SLC38A4: variants seen among roughly 807,000 people sequenced by gnomAD.
SLC38A4 encodes sodium-coupled neutral amino acid transporter 4.
SLC38A4 carries 20 observed loss-of-function variants against 63.1 expected under a neutral mutation model. The observed-to-expected ratio is 0.32, with a 90% confidence interval of 0.22 to 0.46. The LOEUF is 0.46. SLC38A4 is among the 20% of genes least tolerant of loss of function. The pLI, the probability that SLC38A4 is intolerant of heterozygous loss-of-function variation, is 1.00. For synonymous variants in SLC38A4, 230 were observed against 225.5 expected, an observed-to-expected ratio of 1.02 and a Z score of -0.18; for missense variants, 526 against 663.6, an observed-to-expected ratio of 0.79 and a Z score of 2.28.
Position 46,776,945 on chromosome 12 carries a change from A to G in SLC38A4, c.1133T>C (p.Met378Thr), listed in dbSNP as rs1363825365. Residue 378 changes from methionine to threonine, a missense_variant, in exon 13 of 17, where the codon ATG (methionine) becomes ACG (threonine). Coordinates refer to ENST00000266579, the MANE Select transcript of SLC38A4 (RefSeq NM_018018.5). ...ACCAAAGAGGGCGGCAAGCAGGTAC[A>G]TGACAAGCATCCCCGTGATGGAAAT... Reference protein sequence around the residue: ...SNISITGMLVMYLLAALFGYL... With the variant: ...SNISITGMLVTYLLAALFGYL... The G allele has an allele frequency of 1.2e-6, 2 of 1,612,270 alleles. No individual in the cohort carries two copies. The highest frequency in any genetic ancestry group is 1.7e-6 in the Non-Finnish European group (2 of 1,178,790).
At chr12:46,807,889 A>ACCC (rs67831647) in intron 1 of SLC38A4, among the ~76,000 whole-genome samples, 2 of 142,834 alleles carry the variant, frequency 1.4e-5, no homozygotes, top group Non-Finnish European at 3.1e-5. Context: ...ATTAAATGTT[A>ACCC]CCCCCCCCCC....
At position 46,831,644 on chromosome 12, in the gene SLC38A4, G is replaced by A. The variant is rs536566416; in HGVS notation, c.-108+683C>T. Among the ~76,000 whole-genome samples, 15 of 152,314 alleles carry A rather than the reference G, an allele frequency of 9.8e-5. No individual in the cohort carries two copies. The East Asian group carries it at 2.9e-3, about 29-fold the overall frequency. On this transcript the variant is annotated intron_variant, in intron 1 of 6. Coordinates refer to the SLC38A4 transcript ENST00000546940. The stretch of plus-strand genomic sequence containing the variant: ...TCTCCCTTGAAAGAGACTCCTTGGG[G>A]GCTCCCCAGGTCAGAGTACCCCGCC...
At position 46,788,738 on chromosome 12, in the gene SLC38A4, T is replaced by C. The variant is rs1451148449; in HGVS notation, c.120-120A>G. ...GAGGAGGGGAAATAAGACACCCCAA[T>C]TTTCTTTTCCTCCTTCACACTAACG... is the stretch of plus-strand genomic sequence containing the variant. On this transcript the variant is annotated intron_variant, in intron 3 of 16. Transcript: ENST00000266579. 6 of 863,058 alleles carry C rather than the reference T, an allele frequency of 7.0e-6. No homozygotes were observed. The African/African-American group carries it at 1.0e-4, about 15-fold the overall frequency. 53.5% of individuals were successfully genotyped at this position (863,058 alleles called of 1,614,324 possible).
At position 46,808,197 on chromosome 12, in the gene SLC38A4, C is replaced by T. The variant is rs139573922; in HGVS notation, c.-304-4403G>A. On this transcript the variant is annotated intron_variant, in intron 1 of 16. Coordinates refer to ENST00000266579, the MANE Select transcript of SLC38A4 (RefSeq NM_018018.5). Reference sequence around the variant, plus strand: ...CAAAAAATCTAAATTTGAGACCCTCCCAAATATGAAGCCCCAAAGAGCTTT... The same window carrying T: ...CAAAAAATCTAAATTTGAGACCCTCTCAAATATGAAGCCCCAAAGAGCTTT... Among the ~76,000 whole-genome samples the T allele has an allele frequency of 3.7e-3, 565 of 151,974 alleles. 5 individuals are homozygous for T. Among genetic ancestry groups the T allele is most frequent in the African/African-American group, 0.013 (547 of 41,478 alleles).
chr12:46,810,057 G>A (rs563644577), intron 1 of SLC38A4, among the ~76,000 whole-genome samples: 1 of 152,038 alleles, frequency 6.6e-6, no homozygotes, highest in Non-Finnish European at 1.5e-5. Flanking sequence ...ATCAGTTGAT[G>A]GGTCCTGCTA....
intron 2 of SLC38A4, among the ~76,000 whole-genome samples, chr12:46,800,812 T>C (rs973613292): frequency 3.3e-5 from 5 of 152,154 alleles, no homozygotes; most frequent in Non-Finnish European, 5.9e-5. Context: ...ATAAATGCAA[T>C]TTGATATGAT....
intron 14 of SLC38A4, among the ~76,000 whole-genome samples, chr12:46,773,825 A>C (rs1178302848): frequency 2.0e-5 from 3 of 152,110 alleles, no homozygotes; most frequent in Admixed American, 6.6e-5. Flanking sequence ...GCAATACAGA[A>C]GCACATCACA....
At chr12:46,819,537 A>G (rs1431060088) in intron 1 of SLC38A4, among the ~76,000 whole-genome samples, 2 of 151,934 alleles carry the variant, frequency 1.3e-5, no homozygotes, top group Non-Finnish European at 2.9e-5. Flanking sequence ...TTATTCTTAA[A>G]GAGTTCTTTT....
At chr12:46,798,499 G>A (rs1040872672) in intron 2 of SLC38A4, among the ~76,000 whole-genome samples, 1 of 152,144 alleles carries the variant, frequency 6.6e-6, no homozygotes, top group Non-Finnish European at 1.5e-5. Flanking sequence ...GTCTTTCATA[G>A]TATCCAACTT....
intron 2 of SLC38A4, among the ~76,000 whole-genome samples, chr12:46,797,237 T>C (rs183688338): frequency 1.7e-4 from 26 of 152,204 alleles, no homozygotes; most frequent in African/African-American, 6.3e-4. Context: ...TATTTTGGGG[T>C]GTGTCTGTGA....
chr12:46,790,717 T>A (rs766344174), intron 3 of SLC38A4, among the ~76,000 whole-genome samples: 1 of 152,286 alleles, frequency 6.6e-6, no homozygotes, highest in East Asian at 1.9e-4. Flanking sequence ...ATGAGATGAG[T>A]TGTAGTCATT....
intron 1 of SLC38A4, among the ~76,000 whole-genome samples, chr12:46,814,425 C>T (rs976719624): frequency 6.6e-6 from 1 of 151,910 alleles, no homozygotes; most frequent in Non-Finnish European, 1.5e-5. Flanking sequence ...CTGTCATCAG[C>T]GCCAGTGTTT....
chr12:46,780,138 GA>G (rs571923964), intron 7 of SLC38A4, 108 bp from the exon 8 acceptor site: 81 of 815,076 alleles, frequency 9.9e-5, no homozygotes, highest in East Asian at 8.9e-4. Context: ...CCCCCAAATG[GA>G]AAAAAAAGTC....
At chr12:46,812,212 G>C (rs190241604) in intron 1 of SLC38A4, among the ~76,000 whole-genome samples, 17 of 152,136 alleles carry the variant, frequency 1.1e-4, no homozygotes, top group Non-Finnish European at 1.3e-4. Flanking sequence ...TTTTACATGT[G>C]AATAAGATAA....
chr12:46,782,446 AATCGGTATCATAAG>A lies in SLC38A4; in HGVS notation c.493+2082_493+2095del, dbSNP rs566096747. On this transcript the variant is annotated intron_variant, in intron 7 of 16. Transcript: ENST00000266579. ...TGTTAAATTTAAAAAGAAAGCTGAA[AATCGGTATCATAAG>A]ATGATCCAATACTAACAATATTCAA... 9.9e-5 allele frequency among the ~76,000 whole-genome samples: 15 copies of A among 152,168 alleles called. No homozygotes were observed. The East Asian group carries it at 2.7e-3, about 28-fold the overall frequency.
At chr12:46,821,397 C>A (rs1939546946) in intron 1 of SLC38A4, among the ~76,000 whole-genome samples, 1 of 152,038 alleles carries the variant, frequency 6.6e-6, no homozygotes, top group African/African-American at 2.4e-5. Context: ...GTTTTCCCAA[C>A]ACCATTTGTT....
chr12:46,766,905 C>T, intron 16 of SLC38A4, 103 bp from the exon 17 acceptor site: 1 of 717,762 alleles, frequency 1.4e-6, no homozygotes, highest in South Asian at 1.9e-5. Flanking sequence ...TATATTGAGC[C>T]ATATTATTCT....
At chr12:46,827,479 C>T (rs1204607224), upstream of SLC38A4, among the ~76,000 whole-genome samples, 1 of 152,078 alleles carries the variant, frequency 6.6e-6, no homozygotes, top group African/African-American at 2.4e-5. Flanking sequence ...GTTATGAAAA[C>T]CCAGGATCTT....
upstream of SLC38A4, among the ~76,000 whole-genome samples, chr12:46,828,018 C>T (rs1206445743): frequency 6.6e-6 from 1 of 152,114 alleles, no homozygotes; most frequent in Non-Finnish European, 1.5e-5. Flanking sequence ...GTGCAAGGAT[C>T]TCCCTGACCA....
Sources: gnomAD v4.1 joint callset for allele counts (sites outside exome capture counted in the v4.1 genomes callset) on GRCh38, gnomAD v4.1.1 for gene constraint, MANE v1.5 for transcripts, NCBI Gene and HGNC (gene_info 2026-07-23, HGNC 2026-07-21) for gene names.